DNAH11: variants seen among roughly 807,000 people sequenced by gnomAD.
DNAH11 encodes the protein axonemal beta dynein heavy chain 11.
A neutral mutation model predicts 526.0 loss-of-function variants in DNAH11; 442 were observed. That is an observed-to-expected ratio of 0.84 (90% CI 0.78 to 0.91). The LOEUF is 0.91. Among genes scored for constraint, DNAH11 ranks in the 40% least tolerant of loss-of-function variants. The pLI is 0.00. For synonymous variants in DNAH11, 2,461 were observed against 1,935.9 expected (o/e 1.27, Z -7.12); for missense variants, 6,989 against 5,448.7 (o/e 1.28, Z -8.90).
At chr7:21,765,407 C>T in intron 54 of DNAH11, 21 bp from the exon 55 acceptor site, 1 of 1,613,418 alleles carries the variant, frequency 6.2e-7, no homozygotes, top group African/African-American at 1.3e-5. Flanking sequence ...CTGTTTCTGC[C>T]TTGCCCCCAT....
At chr7:21,602,967 T>C in intron 18 of DNAH11, among the ~76,000 whole-genome samples, 1 of 152,174 alleles carries the variant, frequency 6.6e-6, no homozygotes, top group South Asian at 2.1e-4. Flanking sequence ...CTACCACCTC[T>C]ATCTAGTTCC....
intron 75 of DNAH11, among the ~76,000 whole-genome samples, chr7:21,882,727 G>A (rs1332771566): frequency 6.6e-6 from 1 of 152,178 alleles, no homozygotes; most frequent in African/African-American, 2.4e-5. Context: ...AACCCTGGAA[G>A]TGGAGGTTGC....
Position 21,577,103 on chromosome 7 carries a change from C to T in DNAH11, c.1594-4802C>T, listed in dbSNP as rs549614547. Among the ~76,000 whole-genome samples the T allele has an allele frequency of 1.3e-3, 196 of 152,264 alleles. 2 individuals carry two copies. The highest frequency in any genetic ancestry group is 2.3e-3 in the Non-Finnish European group (159 of 68,020). ...GATTTTCCTGTTGCCTGAAGTAATCCAGACTTGGAGCTGAAAACACTGGCA... is the reference window on the plus strand; with the variant it reads ...GATTTTCCTGTTGCCTGAAGTAATCTAGACTTGGAGCTGAAAACACTGGCA... On this transcript the variant is annotated intron_variant, in intron 8 of 81. Coordinates refer to ENST00000409508, the MANE Select transcript of DNAH11 (RefSeq NM_001277115.2).
chr7:21,772,993 A>G (rs1230097373), intron 55 of DNAH11, among the ~76,000 whole-genome samples: 1 of 152,248 alleles, frequency 6.6e-6, no homozygotes, highest in East Asian at 1.9e-4. Flanking sequence ...GAGTTGGTGT[A>G]GCTCATTTAA....
chr7:21,570,365 A>G (rs1783837523), intron 7 of DNAH11, 66 bp downstream of exon 7: 8 of 1,294,540 alleles, frequency 6.2e-6, no homozygotes, highest in Non-Finnish European at 8.6e-6. Flanking sequence ...AGCTTTTCAC[A>G]TGATTCATGG....
At chr7:21,824,144 A>G (rs937330743) in intron 65 of DNAH11, among the ~76,000 whole-genome samples, 3 of 152,172 alleles carry the variant, frequency 2.0e-5, no homozygotes, top group African/African-American at 7.2e-5. Flanking sequence ...GTCCTATACT[A>G]GTTGCATCCT....
chr7:21,739,891 G>C (rs571309917), intron 48 of DNAH11, among the ~76,000 whole-genome samples: 1 of 152,206 alleles, frequency 6.6e-6, no homozygotes, highest in South Asian at 2.1e-4. Flanking sequence ...AAAATCAACT[G>C]GCAGTACAAA....
chr7:21,650,766 A>G (rs1251481861), intron 28 of DNAH11, among the ~76,000 whole-genome samples: 1 of 151,746 alleles, frequency 6.6e-6, no homozygotes, highest in Admixed American at 6.6e-5. Flanking sequence ...CAGCCTCCAG[A>G]GTAGCGGGGA....
At chr7:21,897,656 C>T (rs528302429) in intron 79 of DNAH11, among the ~76,000 whole-genome samples, 1 of 152,200 alleles carries the variant, frequency 6.6e-6, no homozygotes, top group East Asian at 1.9e-4. Flanking sequence ...CATTCTGTTG[C>T]CTAGGCTGGA....
intron 67 of DNAH11, among the ~76,000 whole-genome samples, chr7:21,853,068 G>A (rs923392242): frequency 6.6e-6 from 1 of 152,108 alleles, no homozygotes; most frequent in Admixed American, 6.5e-5. Context: ...AGGATACCGA[G>A]CAAAGGATAA....
At chr7:21,585,651 A>T (rs530465232) in intron 9 of DNAH11, among the ~76,000 whole-genome samples, 2 of 152,360 alleles carry the variant, frequency 1.3e-5, no homozygotes, top group Non-Finnish European at 2.9e-5. Context: ...TGTAAAAAAA[A>T]TTGTCTAGAA....
intron 14 of DNAH11, among the ~76,000 whole-genome samples, chr7:21,598,337 C>A (rs1469097843): frequency 6.6e-6 from 1 of 152,130 alleles, no homozygotes; most frequent in Non-Finnish European, 1.5e-5. Flanking sequence ...GCCCACCTGA[C>A]CTTTTGAAAC....
At chr7:21,597,428 GA>G (rs1240351009) in intron 14 of DNAH11, among the ~76,000 whole-genome samples, 1 of 151,992 alleles carries the variant, frequency 6.6e-6, no homozygotes, top group Non-Finnish European at 1.5e-5. Context: ...ACACTGCTTT[GA>G]AAAAAAGAAC....
chr7:21,761,959 G>A (rs1786938641), intron 54 of DNAH11, among the ~76,000 whole-genome samples: 1 of 152,160 alleles, frequency 6.6e-6, no homozygotes, highest in African/African-American at 2.4e-5. Flanking sequence ...GGCTGGAGAG[G>A]CCTCAGGAAA....
chr7:21,597,915 A>G (rs1185578591), intron 14 of DNAH11, among the ~76,000 whole-genome samples: 2 of 152,182 alleles, frequency 1.3e-5, no homozygotes, highest in East Asian at 3.9e-4. Flanking sequence ...TGTACTGCAC[A>G]ATTCCAGGGG....
intron 76 of DNAH11, among the ~76,000 whole-genome samples, chr7:21,889,063 C>G (rs899702273): frequency 2.6e-5 from 4 of 151,942 alleles, no homozygotes; most frequent in Non-Finnish European, 4.4e-5. Context: ...GTTTCCCACC[C>G]CATATTCCCC....
Position 21,683,930 on chromosome 7 carries a change from T to C in DNAH11, c.5607T>C (p.Thr1869=). The C allele has an allele frequency of 1.2e-6, 2 of 1,613,148 alleles. No homozygotes were observed. Among genetic ancestry groups the C allele is most frequent in the South Asian group, 2.2e-5 (2 of 90,926 alleles). The change falls in exon 32 of 82, where the codon ACT becomes ACC. Residue 1869 remains threonine (T), a synonymous_variant. Coordinates refer to ENST00000409508, the MANE Select transcript of DNAH11 (RefSeq NM_001277115.2). ...YLGNSPRLVI[T]PLTDRCYITL... ...GAAACAGCCCTCGACTAGTGATCAC[T>C]CCTCTAACTGACAGGTAACAATTCA...
chr7:21,759,548 C>T (rs1303757485), intron 54 of DNAH11, among the ~76,000 whole-genome samples: 2 of 152,150 alleles, frequency 1.3e-5, no homozygotes, highest in Admixed American at 6.5e-5. Context: ...GCGAGGGTTT[C>T]CTCAGGTTTA....
At chr7:21,729,377 C>T (rs1015014809) in intron 45 of DNAH11, among the ~76,000 whole-genome samples, 22 of 152,154 alleles carry the variant, frequency 1.4e-4, no homozygotes, top group African/African-American at 4.8e-4. Flanking sequence ...TTTATGGAGT[C>T]GTTGTCTGGC....
Sources: allele counts gnomAD v4.1 joint callset (sites outside exome capture counted in the v4.1 genomes callset), GRCh38; gene constraint gnomAD v4.1.1; transcripts MANE v1.5; gene names NCBI Gene and HGNC (gene_info 2026-07-23, HGNC 2026-07-21).